Variants in RYR1 observed in about 807,000 individuals in gnomAD.
The protein encoded by RYR1 is ryanodine receptor 1, also known as central core disease of muscle.
A neutral mutation model predicts 583.5 loss-of-function variants in RYR1; 342 were observed. The ratio of observed to expected loss-of-function variants is 0.59; its 90% CI spans 0.54 to 0.64. The LOEUF (loss-of-function observed/expected upper bound fraction) is 0.64. Among genes scored for constraint, RYR1 ranks in the 30% least tolerant of loss-of-function variants. RYR1 has a pLI of 0.00. For missense variants in RYR1, 6,032 were observed against 6,917.2 expected, an observed-to-expected ratio of 0.87 and a Z score of 4.54; for synonymous variants, 2,791 against 2,822.5, an observed-to-expected ratio of 0.99 and a Z score of 0.35.
intron 101 of RYR1, among the ~76,000 whole-genome samples, chr19:38,584,619 A>C (rs1599673197): frequency 4.0e-5 from 1 of 25,122 alleles, no homozygotes; most frequent in Admixed American, 6.2e-4. Context: ...AGTGCCCCCC[A>C]TCCCAGCCCT....
chr19:38,585,215 G>A (rs904029729), intron 102 of RYR1, 116 bp downstream of exon 102: 51 of 1,311,728 alleles, frequency 3.9e-5, no homozygotes, highest in Non-Finnish European at 5.0e-5. Flanking sequence ...TCTCGCTACT[G>A]TGAGACCTTG....
At chr19:38,474,562 T>A (rs1968613885) in intron 28 of RYR1, among the ~76,000 whole-genome samples, 1 of 127,912 alleles carries the variant, frequency 7.8e-6, no homozygotes, top group Admixed American at 8.1e-5. Context: ...CACGCCCGGC[T>A]CCTTTTTTTT....
chr19:38,582,346 G>A (rs751091611), intron 101 of RYR1, among the ~76,000 whole-genome samples: 4 of 151,760 alleles, frequency 2.6e-5, no homozygotes, highest in Non-Finnish European at 5.9e-5. Flanking sequence ...GCCATGAGCC[G>A]AGATTGCGCC....
intron 1 of RYR1, among the ~76,000 whole-genome samples, chr19:38,440,221 G>A (rs561255025): frequency 2.6e-5 from 4 of 152,300 alleles, no homozygotes; most frequent in Non-Finnish European, 5.9e-5. Flanking sequence ...GAGTCCAGGA[G>A]GTCAAGGTTG....
chr19:38,523,060 C>T lies in RYR1; in HGVS notation c.10292C>T (p.Ala3431Val), dbSNP rs561605726. 47 of 1,610,294 alleles carry T rather than the reference C, an allele frequency of 2.9e-5. No homozygotes were observed. The highest frequency in any genetic ancestry group is 6.7e-5 in the East Asian group (3 of 44,830). The change falls in exon 68 of 106, where the codon GCG becomes GTG. Residue 3431 changes from alanine (A) to valine (V), a missense_variant. Physicochemically the swap from Ala to Val is moderately conservative, Grantham distance 64 (BLOSUM62 0). Transcript: ENST00000359596. ...AQWLTEPNPS[A>V]EELFRMVGEI... ...TGGCTGACGGAGCCGAATCCCAGCG[C>T]GGAGGAGCTGTTCAGGATGGTGGGC...
intron 20 of RYR1, 67 bp downstream of exon 20, chr19:38,460,658 G>A: frequency 6.9e-7 from 1 of 1,441,270 alleles, no homozygotes; most frequent in Non-Finnish European, 9.6e-7. Flanking sequence ...AGGGGGCAGG[G>A]TGCCATCGTT....
In RYR1 at chr19:38,543,725, C is replaced by T. The variant is rs1392322737; in HGVS notation, c.11908-46C>T. 2 of 1,611,362 alleles carry T rather than the reference C, an allele frequency of 1.2e-6. No individual in the cohort carries two copies. The highest frequency in any genetic ancestry group is 2.2e-5 in the East Asian group (1 of 44,882). On this transcript the variant is annotated intron_variant, in intron 86 of 105. Coordinates refer to ENST00000359596, the MANE Select transcript of RYR1 (RefSeq NM_000540.3). This position sits in a 1 kb window ranked among gnomAD's most constrained non-coding sequence, Gnocchi z 4.4. ...GGTCCCGCATCGTGATCCCTGATCCCTTCTCGGGGATTCCCTTCCCCCCCA... is the reference window on the plus strand; with the variant it reads ...GGTCCCGCATCGTGATCCCTGATCCTTTCTCGGGGATTCCCTTCCCCCCCA...
intron 25 of RYR1, 116 bp from the exon 26 acceptor site, chr19:38,468,850 C>G: frequency 9.3e-7 from 1 of 1,078,048 alleles, no homozygotes; most frequent in Non-Finnish European, 1.4e-6. Flanking sequence ...ATACCACCTG[C>G]CCTGAACCTG....
intron 27 of RYR1, among the ~76,000 whole-genome samples, chr19:38,472,022 C>G (rs1968448111): frequency 6.6e-6 from 1 of 151,422 alleles, no homozygotes; most frequent in South Asian, 2.1e-4. Context: ...TTGGAGAGGT[C>G]AACGTGAGGA....
chr19:38,524,917 G>C (rs1456541153), intron 70 of RYR1, among the ~76,000 whole-genome samples: 1 of 152,084 alleles, frequency 6.6e-6, no homozygotes, highest in Non-Finnish European at 1.5e-5. Flanking sequence ...GACAGGCCCA[G>C]AACGGGGGAA....
At chr19:38,576,755 G>A (rs934171035) in intron 97 of RYR1, among the ~76,000 whole-genome samples, 7 of 152,044 alleles carry the variant, frequency 4.6e-5, no homozygotes, top group African/African-American at 1.4e-4. Context: ...AGCCGAGATC[G>A]CGCCATTGCA....
chr19:38,456,274 A>ATT (rs769713059), intron 16 of RYR1, among the ~76,000 whole-genome samples: 2,859 of 106,664 alleles, frequency 0.027, 210 homozygotes, highest in African/African-American at 0.093. Flanking sequence ...AGCGCCTGGC[A>ATT]TTTTTTTTTT....
Position 38,485,692 on chromosome 19 carries a change from C to G in RYR1, c.5037C>G (p.Arg1679=), listed in dbSNP as rs34169029. Residue 1679 remains arginine (R), a synonymous_variant, in exon 34 of 106, where the codon CGC becomes CGG. Coordinates refer to ENST00000359596, the MANE Select transcript of RYR1 (RefSeq NM_000540.3). ...CTGTGTGCGCCCTGGGCAACAATCG[C>G]GTGGCGCACGCTCTGTGCAGCCACG... The part of the protein sequence containing the change: ...YRAVCALGNN[R]VAHALCSHVD... 1,505 of 1,611,202 alleles carry G rather than the reference C, an allele frequency of 9.3e-4. 11 individuals carry two copies. In the African/African-American group the frequency reaches 0.017, roughly 18 times the overall value.
intron 101 of RYR1, among the ~76,000 whole-genome samples, chr19:38,582,819 A>G (rs1204347295): frequency 2.0e-5 from 3 of 152,184 alleles, no homozygotes; most frequent in Non-Finnish European, 4.4e-5. Flanking sequence ...ATCTCCAAAG[A>G]TGTCCTGCAG....
At chr19:38,573,578 G>T (rs1241064551) in intron 96 of RYR1, among the ~76,000 whole-genome samples, 1 of 151,900 alleles carries the variant, frequency 6.6e-6, no homozygotes, top group African/African-American at 2.4e-5. Flanking sequence ...TACTGGGAAG[G>T]CTGAATCAGA....
At chr19:38,531,807 G>A (rs1449624619) in intron 76 of RYR1, among the ~76,000 whole-genome samples, 1 of 152,176 alleles carries the variant, frequency 6.6e-6, no homozygotes. Flanking sequence ...TCAGGAGGCT[G>A]ATGTGGGAGA....
At chr19:38,451,411 A>C (rs1201473559) in intron 11 of RYR1, among the ~76,000 whole-genome samples, 1 of 152,036 alleles carries the variant, frequency 6.6e-6, no homozygotes, top group Non-Finnish European at 1.5e-5. Context: ...GTCGGGGGGA[A>C]TGTTAAGTCA....
In RYR1 at chr19:38,433,797, G is replaced by T. The variant is rs779592377; in HGVS notation, c.-33G>T. ...CCGCAGCCCCCTCCCTCTGTTCCCC[G>T]ACCTCAGACCCTGGGCTTCCGACCT... On this transcript the variant is annotated 5_prime_UTR_variant, in exon 1 of 106. Coordinates refer to ENST00000359596, the MANE Select transcript of RYR1 (RefSeq NM_000540.3). 3 of 780,172 alleles carry T rather than the reference G, an allele frequency of 3.8e-6. No homozygotes were observed. The highest frequency in any genetic ancestry group is 4.9e-6 in the Non-Finnish European group (3 of 614,358). The allele number at this position is 780,172 out of a possible 1,614,324, so 48.3% of individuals were successfully genotyped here. A position where few individuals can be genotyped will look rare whatever the true frequency, so the allele number is the denominator to read the frequency against.
intron 76 of RYR1, among the ~76,000 whole-genome samples, chr19:38,531,776 T>A (rs1971749609): frequency 6.6e-6 from 1 of 152,120 alleles, no homozygotes; most frequent in South Asian, 2.1e-4. Flanking sequence ...TGTGTTGGTA[T>A]GTGCCTGTAG....
Sources: allele counts gnomAD v4.1 joint callset (sites outside exome capture counted in the v4.1 genomes callset), GRCh38; gene constraint gnomAD v4.1.1; non-coding constraint Gnocchi (gnomAD v3.1); transcripts MANE v1.5; gene names NCBI Gene and HGNC (gene_info 2026-07-23, HGNC 2026-07-21).